SAMD5: variants seen among roughly 807,000 people sequenced by gnomAD.
SAMD5 encodes sterile alpha motif domain containing 5, also known as sterile alpha motif domain-containing protein 5.
A neutral mutation model predicts 11.3 loss-of-function variants in SAMD5; 13 were observed. The observed-to-expected ratio is 1.15, with a 90% CI of 0.75 to 1.83. The LOEUF (loss-of-function observed/expected upper bound fraction) is 1.83, where lower values mean the gene tolerates loss of function less well. SAMD5 is among the 40% of genes most tolerant of loss of function. The probability of loss-of-function intolerance (pLI) is 0.00; values close to 1 mark genes in which losing one functional copy is unlikely to be tolerated. For missense variants in SAMD5, 255 were observed against 239.1 expected, an observed-to-expected ratio of 1.07 and a Z score of -0.44; for synonymous variants, 129 against 111.3, an observed-to-expected ratio of 1.16 and a Z score of -1.00.
chr6:147,930,553 A>G, the SAMD5 span, among the ~76,000 whole-genome samples: 1 of 152,180 alleles, frequency 6.6e-6, no homozygotes, highest in African/African-American at 2.4e-5. Flanking sequence ...TAGTCCATCT[A>G]TAAGCTGGAG....
intron 1 of SAMD5, among the ~76,000 whole-genome samples, chr6:147,733,052 T>C (rs1443231064): frequency 6.6e-6 from 1 of 152,248 alleles, no homozygotes; most frequent in East Asian, 1.9e-4. Context: ...ATTTCATTCC[T>C]AGTTAGGTCT....
chr6:147,700,546 G>A (rs1305991454), intron 1 of SAMD5, among the ~76,000 whole-genome samples: 3 of 152,000 alleles, frequency 2.0e-5, no homozygotes, highest in Admixed American at 2.0e-4. Context: ...AAGTGAGCTG[G>A]TATAACAGGT....
Position 147,508,710 on chromosome 6 carries a change from C to T in SAMD5, c.-219C>T, listed in dbSNP as rs2128438496. Among the ~76,000 whole-genome samples, 1 of 152,292 alleles carries T rather than the reference C, an allele frequency of 6.6e-6. No individual in the cohort carries two copies. The highest frequency in any genetic ancestry group is 2.1e-4 in the South Asian group (1 of 4,826). ...CAGCCAGTGCCTGCGAGCTCCGCTG[C>T]TGCTTGGGGAATTCACTTTGCTGCT... On this transcript the variant is annotated 5_prime_UTR_variant, in exon 1 of 2. Coordinates refer to ENST00000367474, the MANE Select transcript of SAMD5 (RefSeq NM_001030060.3).
At chr6:147,710,774 C>T (rs1047519355) in intron 1 of SAMD5, among the ~76,000 whole-genome samples, 2 of 151,226 alleles carry the variant, frequency 1.3e-5, no homozygotes, top group African/African-American at 2.4e-5. Flanking sequence ...GGGTTCAGTA[C>T]TCTCCATGGT....
At chr6:147,582,866 C>A (rs1308729665) in intron 1 of SAMD5, among the ~76,000 whole-genome samples, 1 of 152,152 alleles carries the variant, frequency 6.6e-6, no homozygotes, top group Non-Finnish European at 1.5e-5. Flanking sequence ...TGGTCAGCAG[C>A]ACTTGTTTGT....
chr6:147,570,306 C>T (rs979615046), downstream of SAMD5, among the ~76,000 whole-genome samples: 5 of 152,000 alleles, frequency 3.3e-5, no homozygotes, highest in African/African-American at 1.2e-4. Flanking sequence ...TGGCTCACCG[C>T]GGTGGGAGAT....
chr6:147,696,164 C>T (rs1380536122), intron 1 of SAMD5, among the ~76,000 whole-genome samples: 1 of 152,082 alleles, frequency 6.6e-6, no homozygotes, highest in Admixed American at 6.5e-5. Flanking sequence ...CAACCCCCTC[C>T]CCCAACTCCA....
chr6:147,827,273 G>T, the SAMD5 span, among the ~76,000 whole-genome samples: 5 of 151,800 alleles, frequency 3.3e-5, no homozygotes, highest in Non-Finnish European at 5.9e-5. Context: ...CGAAAAACTT[G>T]TTCGTTGCAC....
the SAMD5 span, among the ~76,000 whole-genome samples, chr6:147,909,618 T>TTCTCTCTCTCTCTCTCTCTCTCTCTCTC: frequency 7.9e-5 from 6 of 76,420 alleles, no homozygotes; most frequent in African/African-American, 5.0e-4. Flanking sequence ...CTTTCTTTCT[T>TTCTCTCTCTCTCTCTCTCTCTCTCTCTC]TCTTTCTTTC....
the SAMD5 span, among the ~76,000 whole-genome samples, chr6:147,908,591 C>A: frequency 0.02 from 3,072 of 152,242 alleles, 48 homozygotes; most frequent in Non-Finnish European, 0.033. Flanking sequence ...TGGGCTTGTA[C>A]CACTTTGCAG....
chr6:147,905,613 C>G, the SAMD5 span, among the ~76,000 whole-genome samples: 1 of 152,130 alleles, frequency 6.6e-6, no homozygotes, highest in East Asian at 1.9e-4. Context: ...TAACTCATGA[C>G]TTACTGATCA....
At chr6:147,885,396 C>T in the SAMD5 span, among the ~76,000 whole-genome samples, 1 of 152,150 alleles carries the variant, frequency 6.6e-6, no homozygotes. Context: ...CAAGTTTTAT[C>T]ATCTAATTTT....
chr6:147,665,095 A>G (rs2128454825), intron 1 of SAMD5, among the ~76,000 whole-genome samples: 1 of 152,290 alleles, frequency 6.6e-6, no homozygotes, highest in Admixed American at 6.5e-5. Context: ...TTTTTCCCTT[A>G]AAAGAATGTT....
chr6:147,577,501 T>C (rs1789233429), intron 1 of SAMD5, among the ~76,000 whole-genome samples: 1 of 152,182 alleles, frequency 6.6e-6, no homozygotes, highest in African/African-American at 2.4e-5. Flanking sequence ...CTTTCTTTTT[T>C]TCTCTCTTTC....
chr6:147,865,445 T>G, the SAMD5 span, among the ~76,000 whole-genome samples: 2 of 152,132 alleles, frequency 1.3e-5, no homozygotes, highest in Non-Finnish European at 2.9e-5. Flanking sequence ...GCCACCTGAT[T>G]GTTTGAACCT....
At chr6:147,952,437 T>C in the SAMD5 span, among the ~76,000 whole-genome samples, 1 of 152,328 alleles carries the variant, frequency 6.6e-6, no homozygotes, top group South Asian at 2.1e-4. Flanking sequence ...ACTTTGAACA[T>C]ACTATCAAGG....
At chr6:147,905,597 G>T in the SAMD5 span, among the ~76,000 whole-genome samples, 6 of 152,094 alleles carry the variant, frequency 3.9e-5, no homozygotes, top group African/African-American at 1.4e-4. Context: ...TCAATGTGTT[G>T]GTATGTAACT....
chr6:147,815,530 A>G, the SAMD5 span, among the ~76,000 whole-genome samples: 4 of 152,188 alleles, frequency 2.6e-5, no homozygotes, highest in South Asian at 2.1e-4. Flanking sequence ...GGGTTCGGCT[A>G]TGGAAGTGAT....
intron 1 of SAMD5, among the ~76,000 whole-genome samples, chr6:147,710,612 A>G (rs1467263969): frequency 3.3e-5 from 5 of 152,182 alleles, no homozygotes; most frequent in Non-Finnish European, 7.3e-5. Context: ...ATTTTGTTTA[A>G]TAATGGCCCC....
Sources: allele counts gnomAD v4.1 joint callset (sites outside exome capture counted in the v4.1 genomes callset), GRCh38; gene constraint gnomAD v4.1.1; transcripts MANE v1.5; gene names NCBI Gene and HGNC (gene_info 2026-07-23, HGNC 2026-07-21).